SEC31A: variants seen among roughly 807,000 people sequenced by gnomAD.
SEC31A encodes protein transport protein Sec31A.
Under a neutral mutation model 151.0 loss-of-function variants are expected in SEC31A, and 70 were observed. The ratio of observed to expected loss-of-function variants is 0.46; its 90% confidence interval spans 0.38 to 0.57. The LOEUF is 0.57. SEC31A is among the 20% of genes least tolerant of loss of function. The pLI is 0.00. For synonymous variants in SEC31A, 475 were observed against 505.9 expected (o/e 0.94, Z 0.82); for missense variants, 1,330 against 1,471.2 (o/e 0.90, Z 1.57).
intron 26 of SEC31A, among the ~76,000 whole-genome samples, chr4:82,820,547 C>T (rs193020258): frequency 6.6e-6 from 1 of 152,204 alleles, no homozygotes; most frequent in Non-Finnish European, 1.5e-5. Context: ...TGACTTCTTA[C>T]TCCTGGCTAT....
chr4:82,862,391 T>C, intron 13 of SEC31A, 143 bp downstream of exon 13: 1 of 607,510 alleles, frequency 1.6e-6, no homozygotes, highest in East Asian at 3.0e-5. Context: ...AAAATGAGAA[T>C]TATTAATTTA....
intron 20 of SEC31A, among the ~76,000 whole-genome samples, chr4:82,847,715 A>T (rs543552074): frequency 6.6e-6 from 1 of 152,278 alleles, no homozygotes; most frequent in Admixed American, 6.5e-5. Context: ...TCACAGACTA[A>T]GTCTAGTGCA....
At chr4:82,825,009 A>G in intron 24 of SEC31A, among the ~76,000 whole-genome samples, 1 of 152,226 alleles carries the variant, frequency 6.6e-6, no homozygotes, top group Non-Finnish European at 1.5e-5. Context: ...AAGGCACTGG[A>G]AAACACACTC....
intron 4 of SEC31A, among the ~76,000 whole-genome samples, chr4:82,877,293 T>G (rs6830527): frequency 0.18 from 27,096 of 151,810 alleles, 2,889 homozygotes; most frequent in East Asian, 0.49. Flanking sequence ...ACCCTAAGTA[T>G]CTATTTATAA....
chr4:82,852,263 A>C (rs1027036467), intron 18 of SEC31A, among the ~76,000 whole-genome samples: 3 of 152,168 alleles, frequency 2.0e-5, no homozygotes, highest in Admixed American at 1.3e-4. Context: ...TTTTCTTTAT[A>C]AACTACCCAG....
chr4:82,888,700 A>T lies in SEC31A; in HGVS notation c.-5+2388T>A, dbSNP rs913611953. ...CGAGGCTCTGCCTCAGAAAAAAATA[A>T]AAAAAAAAAAAAATTTCTTGAGGAA... is the stretch of plus-strand genomic sequence containing the variant. On this transcript the variant is annotated intron_variant, in intron 1 of 26. Transcript: ENST00000395310. 4.5e-4 allele frequency among the ~76,000 whole-genome samples: 16 copies of T among 35,726 alleles called. No homozygotes were observed. The South Asian group carries it at 4.8e-3, about 11-fold the overall frequency. 23.4% of individuals were successfully genotyped at this position (35,726 alleles called of 152,430 possible).
intron 20 of SEC31A, among the ~76,000 whole-genome samples, chr4:82,846,459 A>C (rs949204226): frequency 6.6e-6 from 1 of 150,964 alleles, no homozygotes; most frequent in Non-Finnish European, 1.5e-5. Flanking sequence ...CTTAGATGTG[A>C]ATTTTTTTCA....
chr4:82,880,836 C>G lies in SEC31A; in HGVS notation c.166G>C (p.Asp56His), dbSNP rs1437960409. Residue 56 changes from aspartate to histidine, a missense_variant, in exon 3 of 27, where the codon GAT becomes CAT. Physicochemically the swap from Asp to His is moderately conservative, Grantham distance 81. Coordinates refer to ENST00000395310, the MANE Select transcript of SEC31A (RefSeq NM_001077207.4). ...FELDLSDPSL[D>H]MKSCATFSSS... is the part of the protein sequence containing the mutation. ...GAGAATGTGGCACAAGATTTCATAT[C>G]CAAGGATGGATCAGAGAGGTCTAAT... The G allele has an allele frequency of 1.2e-6, 2 of 1,613,104 alleles. No homozygotes were observed. Among genetic ancestry groups the G allele is most frequent in the South Asian group, 1.1e-5 (1 of 90,958 alleles).
upstream of SEC31A, chr4:82,891,322 G>C: frequency 1.3e-6 from 1 of 777,706 alleles, no homozygotes; most frequent in Non-Finnish European, 2.0e-6. Flanking sequence ...AGCCTGGGAG[G>C]CGGGGTACGG....
chr4:82,825,380 AC>A (rs558749989), intron 24 of SEC31A, among the ~76,000 whole-genome samples: 395 of 152,356 alleles, frequency 2.6e-3, no homozygotes, highest in African/African-American at 9.1e-3. Context: ...TCACCAATGT[AC>A]ATAAAATAGC....
At chr4:82,842,994 T>G (rs1383117684) in intron 21 of SEC31A, among the ~76,000 whole-genome samples, 1 of 152,186 alleles carries the variant, frequency 6.6e-6, no homozygotes, top group African/African-American at 2.4e-5. Context: ...TTGAGCACAG[T>G]TCCAGATTAA....
chr4:82,872,598 C>A (rs1200591958), intron 6 of SEC31A, among the ~76,000 whole-genome samples: 1 of 152,204 alleles, frequency 6.6e-6, no homozygotes, highest in Admixed American at 6.5e-5. Context: ...TTTCTCAATT[C>A]ATGCAGCTAT....
chr4:82,854,262 T>C lies in SEC31A; in HGVS notation c.2009-547A>G, dbSNP rs189451230. Among the ~76,000 whole-genome samples, 118 of 151,846 alleles carry C rather than the reference T, an allele frequency of 7.8e-4. 2 individuals carry two copies. The highest frequency in any genetic ancestry group is 2.3e-3 in the East Asian group (12 of 5,150). On this transcript the variant is annotated intron_variant, in intron 17 of 26. Transcript: ENST00000395310. ...CCTATAATCCCAGCTACTTGGGAGG[T>C]TGAGGCAGGAGAATCACTTGAACGC...
In SEC31A at chr4:82,866,908, G is replaced by A. The variant is rs769792532; in HGVS notation, c.1097C>T (p.Pro366Leu). 1.2e-6 allele frequency: 2 copies of A among 1,614,114 alleles called. No individual in the cohort carries two copies. Among genetic ancestry groups the A allele is most frequent in the Non-Finnish European group, 1.7e-6 (2 of 1,179,992 alleles). ...AGTCTGCTGTGGAATTTGTAACGGA[G>A]GAAGGGGCTGTCCTGTGCCAAAGGG... ...LDPFGTGQPL[P>L]PLQIPQQTAQ... Residue 366 changes from proline (P) to leucine (L), a missense_variant, in exon 10 of 27, where the codon CCT (proline) becomes CTT (leucine). Physicochemically the swap from Pro to Leu is moderately conservative, Grantham distance 98. Transcript: ENST00000395310.
At chr4:82,881,148 A>G (rs1243722721) in intron 2 of SEC31A, among the ~76,000 whole-genome samples, 4 of 152,138 alleles carry the variant, frequency 2.6e-5, no homozygotes, top group Non-Finnish European at 4.4e-5. Flanking sequence ...GCCTGTATAT[A>G]TTTAAAAATC....
At chr4:82,847,903 T>G (rs908316891) in intron 20 of SEC31A, among the ~76,000 whole-genome samples, 2 of 152,222 alleles carry the variant, frequency 1.3e-5, no homozygotes, top group African/African-American at 4.8e-5. Flanking sequence ...TAATCTATCC[T>G]GATTTAGTAG....
At chr4:82,885,269 A>G (rs1740421489) in intron 1 of SEC31A, among the ~76,000 whole-genome samples, 1 of 152,184 alleles carries the variant, frequency 6.6e-6, no homozygotes, top group South Asian at 2.1e-4. Context: ...CATGACAGAC[A>G]TGGTTGGTCT....
chr4:82,857,755 C>T lies in SEC31A; in HGVS notation c.1636G>A (p.Glu546Lys). The change falls in exon 15 of 27, where the codon GAG (glutamate) becomes AAG (lysine). Residue 546 changes from glutamate to lysine, a missense_variant. Transcript: ENST00000395310. Reference sequence around the variant, plus strand: ...AGAAATTCAGATTCTTCTTTTTCCTCTTTAATGTGCTAAAGAGATGAAAAA... The same window carrying T: ...AGAAATTCAGATTCTTCTTTTTCCTTTTTAATGTGCTAAAGAGATGAAAAA... ...EEQLLGEHIK[E>K]EKEESEFLPS... The T allele has an allele frequency of 6.3e-7, 1 of 1,594,804 alleles. No homozygotes were observed. The highest frequency in any genetic ancestry group is 8.6e-7 in the Non-Finnish European group (1 of 1,163,258).
At chr4:82,848,758 G>A (rs773302646) in intron 20 of SEC31A, 46 bp downstream of exon 20, 1 of 1,523,370 alleles carries the variant, frequency 6.6e-7, no homozygotes, top group Non-Finnish European at 8.9e-7. Context: ...CCAATTTGAA[G>A]AGAAATACAA....
Sources: allele counts gnomAD v4.1 joint callset (sites outside exome capture counted in the v4.1 genomes callset), GRCh38; gene constraint gnomAD v4.1.1; transcripts MANE v1.5; gene names NCBI Gene and HGNC (gene_info 2026-07-23, HGNC 2026-07-21).